Variants in AFG1L observed in about 807,000 individuals in gnomAD.
The protein encoded by AFG1L is AFG1 like ATPase.
Under a neutral mutation model 62.2 loss-of-function variants are expected in AFG1L, and 53 were observed. That is an observed-to-expected ratio of 0.85 (90% CI 0.68 to 1.07). AFG1L has a LOEUF of 1.07. AFG1L is among the 50% of genes least tolerant of loss of function. The pLI is 0.00. For synonymous variants in AFG1L, 228 were observed against 210.3 expected (o/e 1.08, Z -0.73); for missense variants, 555 against 590.5 (o/e 0.94, Z 0.62).
rs1458305414 is a variant in AFG1L at position 108,388,901 on chromosome 6, T to G, written c.749-13095T>G. On this transcript the variant is annotated intron_variant, in intron 6 of 12. Coordinates refer to ENST00000368977, the MANE Select transcript of AFG1L (RefSeq NM_145315.5). The stretch of plus-strand genomic sequence containing the variant: ...GTAGATGTCTATTAGGTCTGCTTGG[T>G]GCAGAGCTGAGTTCAATTCCTGGGT... Among the ~76,000 whole-genome samples, 3 of 152,236 alleles carry G rather than the reference T, an allele frequency of 2.0e-5. No homozygotes were observed. The East Asian group carries it at 5.8e-4, about 29-fold the overall frequency.
At chr6:108,342,597 T>C (rs916414250) in intron 2 of AFG1L, among the ~76,000 whole-genome samples, 5 of 152,202 alleles carry the variant, frequency 3.3e-5, no homozygotes, top group Non-Finnish European at 7.3e-5. Context: ...TTAGTCTTAC[T>C]GTTCTCCATT....
chr6:108,315,082 A>G (rs547940591), intron 1 of AFG1L, among the ~76,000 whole-genome samples: 13 of 152,176 alleles, frequency 8.5e-5, no homozygotes, highest in African/African-American at 2.6e-4. Context: ...GCCCGCCTCA[A>G]GTGATCTGCC....
At chr6:108,309,259 G>A (rs575997174) in intron 1 of AFG1L, among the ~76,000 whole-genome samples, 3 of 152,214 alleles carry the variant, frequency 2.0e-5, no homozygotes, top group Admixed American at 6.5e-5. Flanking sequence ...TTTATATAGA[G>A]CATCTTTTTT....
intron 8 of AFG1L, among the ~76,000 whole-genome samples, chr6:108,466,779 A>G (rs1381690033): frequency 6.8e-6 from 1 of 148,022 alleles, no homozygotes; most frequent in Non-Finnish European, 1.5e-5. Flanking sequence ...ATTTTAAAAA[A>G]TATATATATT....
intron 8 of AFG1L, among the ~76,000 whole-genome samples, chr6:108,461,021 C>T (rs114127422): frequency 0.01 from 1,567 of 152,344 alleles, 27 homozygotes; most frequent in African/African-American, 0.035. Flanking sequence ...CTCAGCCTCT[C>T]ATGTAGCTGG....
chr6:108,435,515 G>A (rs770646727), intron 7 of AFG1L, among the ~76,000 whole-genome samples: 7 of 152,140 alleles, frequency 4.6e-5, no homozygotes, highest in African/African-American at 1.7e-4. Flanking sequence ...GCCACACTCT[G>A]TCTCAACAAA....
At chr6:108,423,785 A>G (rs1770700009) in intron 7 of AFG1L, among the ~76,000 whole-genome samples, 1 of 152,196 alleles carries the variant, frequency 6.6e-6, no homozygotes, top group South Asian at 2.1e-4. Flanking sequence ...AGAATATACA[A>G]TTTGAACACT....
chr6:108,402,033 AC>A lies in AFG1L; in HGVS notation c.788del (p.Pro263HisfsTer3). ...ATGGACTCCAAAGAGCTAACTTTGT[AC>A]CATTCATAGCAGTCTTGAAGGTAAA... ...KNGLQRANFVPFIAVLKEYCN... is the reference protein window; with the variant it reads ...KNGLQRANFVXFIAVLKEYCN... On this transcript the variant is annotated frameshift_variant, in exon 7 of 13. Coordinates refer to ENST00000368977, the MANE Select transcript of AFG1L (RefSeq NM_145315.5). LOFTEE classifies it high-confidence loss of function. 1 of 1,517,338 alleles carries A rather than the reference AC, an allele frequency of 6.6e-7. No individual in the cohort carries two copies. The highest frequency in any genetic ancestry group is 8.9e-7 in the Non-Finnish European group (1 of 1,125,780). The allele number at this position is 1,517,338 out of a possible 1,614,324, so 94.0% of individuals were successfully genotyped here.
intron 7 of AFG1L, among the ~76,000 whole-genome samples, chr6:108,421,776 G>GT (rs1018787460): frequency 2.6e-5 from 4 of 151,748 alleles, no homozygotes; most frequent in African/African-American, 7.3e-5. Flanking sequence ...CTTAATCTCA[G>GT]TTTTTTTTCT....
chr6:108,522,597 T>A lies in AFG1L; in HGVS notation c.*172T>A. The A allele has an allele frequency of 1.8e-6, 1 of 550,316 alleles. No individual in the cohort carries two copies. Among genetic ancestry groups the A allele is most frequent in the African/African-American group, 1.9e-5 (1 of 52,326 alleles). The allele number at this position is 550,316 out of a possible 1,614,324, so 34.1% of individuals were successfully genotyped here. A position where few individuals can be genotyped will look rare whatever the true frequency, so the allele number is the denominator to read the frequency against. ...CTAGTGGATTAGTAAGTTAAACACT[T>A]AACATTTTTTAGGTCTGCTTTTTCT... On this transcript the variant is annotated 3_prime_UTR_variant, in exon 13 of 13. Transcript: ENST00000368977.
intron 6 of AFG1L, among the ~76,000 whole-genome samples, chr6:108,393,085 A>C (rs1197901311): frequency 1.3e-5 from 2 of 152,124 alleles, no homozygotes; most frequent in Non-Finnish European, 2.9e-5. Flanking sequence ...TAATTCTAGC[A>C]TTCTGTTTTA....
At chr6:108,319,833 A>G (rs1470609260) in intron 1 of AFG1L, 3 of 417,422 alleles carry the variant, frequency 7.2e-6, no homozygotes, top group East Asian at 7.9e-5. Context: ...ATAAGTAAAT[A>G]TGCTCTGTGG....
At chr6:108,412,605 A>G (rs1265428979) in intron 7 of AFG1L, among the ~76,000 whole-genome samples, 3 of 152,226 alleles carry the variant, frequency 2.0e-5, no homozygotes, top group Admixed American at 6.5e-5. Flanking sequence ...AGTGGGGGCC[A>G]ATATTCAACA....
intron 1 of AFG1L, among the ~76,000 whole-genome samples, chr6:108,311,761 A>G (rs1479733397): frequency 1.3e-5 from 2 of 152,164 alleles, no homozygotes; most frequent in Non-Finnish European, 2.9e-5. Flanking sequence ...ACGCTTTATC[A>G]TTATTTTTGA....
chr6:108,345,967 G>T (rs543981171), intron 2 of AFG1L, among the ~76,000 whole-genome samples: 4 of 152,306 alleles, frequency 2.6e-5, no homozygotes, highest in Non-Finnish European at 4.4e-5. Context: ...TGCTGAGAAT[G>T]AACCTAGCTG....
At chr6:108,442,586 A>G (rs949778003) in intron 7 of AFG1L, among the ~76,000 whole-genome samples, 2 of 152,124 alleles carry the variant, frequency 1.3e-5, no homozygotes, top group Admixed American at 6.5e-5. Context: ...CTAGTTTTTC[A>G]GGGCTGTTCT....
intron 6 of AFG1L, among the ~76,000 whole-genome samples, chr6:108,369,281 G>A (rs1779889206): frequency 6.6e-6 from 1 of 152,126 alleles, no homozygotes; most frequent in African/African-American, 2.4e-5. Context: ...CATCCAGATT[G>A]TAGTGGTGGT....
intron 6 of AFG1L, among the ~76,000 whole-genome samples, chr6:108,369,972 C>T (rs903261929): frequency 1.3e-4 from 20 of 151,776 alleles, no homozygotes; most frequent in Non-Finnish European, 2.5e-4. Flanking sequence ...ATCTATCTAT[C>T]TATCTATCTA....
At chr6:108,305,563 A>AT (rs903581241) in intron 1 of AFG1L, among the ~76,000 whole-genome samples, 25 of 149,890 alleles carry the variant, frequency 1.7e-4, no homozygotes, top group Admixed American at 4.0e-4. Flanking sequence ...TAATGTTTGT[A>AT]TTTTTTTTTC....
Sources: allele counts gnomAD v4.1 joint callset (sites outside exome capture counted in the v4.1 genomes callset), GRCh38; gene constraint gnomAD v4.1.1; transcripts MANE v1.5; gene names NCBI Gene and HGNC (gene_info 2026-07-23, HGNC 2026-07-21).